TSBP1: variants seen among roughly 807,000 people sequenced by gnomAD.
TSBP1 encodes the protein testis expressed basic protein 1.
A neutral mutation model predicts 68.8 loss-of-function variants in TSBP1; 56 were observed. The observed-to-expected ratio is 0.81, with a 90% confidence interval of 0.66 to 1.02. TSBP1 has a LOEUF of 1.02. TSBP1 is among the 50% of genes least tolerant of loss of function. The pLI is 0.00. For missense variants in TSBP1, 502 were observed against 641.2 expected (o/e 0.78, Z 2.34); for synonymous variants, 171 against 208.7 (o/e 0.82, Z 1.56).
Position 32,308,389 on chromosome 6 carries a change from G to C in TSBP1, c.581-5760C>G, listed in dbSNP as rs1016729775. The stretch of plus-strand genomic sequence containing the variant: ...CGAGGCGGGCGGATCACGAGGTCAG[G>C]AGATCGAGACCATCCCGGCTAAAAC... On this transcript the variant is annotated intron_variant, in intron 19 of 22. Transcript: ENST00000612031. 3.2e-3 allele frequency among the ~76,000 whole-genome samples: 491 copies of C among 151,150 alleles called. 4 individuals are homozygous for C. The highest frequency in any genetic ancestry group is 0.011 in the African/African-American group (459 of 41,282).
At chr6:32,354,874 A>G (rs984337142) in intron 8 of TSBP1, among the ~76,000 whole-genome samples, 1 of 152,124 alleles carries the variant, frequency 6.6e-6, no homozygotes, top group Non-Finnish European at 1.5e-5. Context: ...CTATAAATAT[A>G]TGTAAATAGA....
At chr6:32,355,274 T>C in intron 7 of TSBP1, 130 bp from the exon 8 acceptor site, 1 of 866,928 alleles carries the variant, frequency 1.2e-6, no homozygotes. Flanking sequence ...TCATCACTGA[T>C]CTGGTGATGG....
At chr6:32,310,528 A>G (rs1411951389) in intron 19 of TSBP1, among the ~76,000 whole-genome samples, 1 of 151,314 alleles carries the variant, frequency 6.6e-6, no homozygotes. Flanking sequence ...TCCATGTACT[A>G]TTTTGAACTG....
chr6:32,322,511 A>C lies in TSBP1; in HGVS notation c.559+606T>G. 6 of 1,593,558 alleles carry C rather than the reference A, an allele frequency of 3.8e-6. No homozygotes were observed. The highest frequency in any genetic ancestry group is 1.3e-5 in the African/African-American group (1 of 74,616). On this transcript the variant is annotated intron_variant, in intron 18 of 22. Coordinates refer to ENST00000612031, the Ensembl canonical transcript of TSBP1. ...TTGCGGTTCTCTGTGAAATTACTGAAAAATAAGCAAACAGAAATCCATTTA... is the reference window on the plus strand; with the variant it reads ...TTGCGGTTCTCTGTGAAATTACTGACAAATAAGCAAACAGAAATCCATTTA...
intron 7 of TSBP1, among the ~76,000 whole-genome samples, 196 bp from the exon 8 acceptor site, chr6:32,355,340 G>A (rs1010855072): frequency 9.2e-5 from 14 of 152,078 alleles, no homozygotes; most frequent in African/African-American, 2.4e-5. Context: ...CTAAAAATGG[G>A]TTTAATTTTT....
chr6:32,342,045 G>T, intron 9 of TSBP1, among the ~76,000 whole-genome samples: 1 of 119,392 alleles, frequency 8.4e-6, no homozygotes, highest in Non-Finnish European at 1.8e-5. Context: ...TTTAGAAAAT[G>T]TGTTCTTTTT....
At chr6:32,310,096 T>G (rs1341066625) in intron 19 of TSBP1, among the ~76,000 whole-genome samples, 1 of 152,206 alleles carries the variant, frequency 6.6e-6, no homozygotes, top group African/African-American at 2.4e-5. Context: ...CTTGTTTGGA[T>G]TTCATTCTTG....
At chr6:32,297,976 A>C (rs1200131651) in intron 22 of TSBP1, among the ~76,000 whole-genome samples, 1 of 152,202 alleles carries the variant, frequency 6.6e-6, no homozygotes, top group African/African-American at 2.4e-5. Flanking sequence ...TCTTTTACAA[A>C]AAATTTTTTA....
intron 20 of TSBP1, 105 bp from the exon 24 acceptor site, chr6:32,300,805 T>A (rs1231512632): frequency 8.8e-6 from 8 of 909,638 alleles, no homozygotes; most frequent in Non-Finnish European, 1.3e-5. Flanking sequence ...ACAACTAAAT[T>A]TCATTTATTT....
At chr6:32,358,749 C>CT (rs1427429627) in intron 6 of TSBP1, among the ~76,000 whole-genome samples, 1 of 151,934 alleles carries the variant, frequency 6.6e-6, no homozygotes, top group Non-Finnish European at 1.5e-5. Flanking sequence ...CGAACTCATC[C>CT]TTTTTTATTG....
intron 14 of TSBP1, among the ~76,000 whole-genome samples, chr6:32,332,445 A>G (rs902104948): frequency 3.9e-5 from 6 of 152,322 alleles, no homozygotes; most frequent in Admixed American, 3.3e-4. Context: ...TTTCTGATCA[A>G]CTAATATGTT....
At chr6:32,296,886 C>T (rs1764777442) in intron 22 of TSBP1, among the ~76,000 whole-genome samples, 1 of 152,160 alleles carries the variant, frequency 6.6e-6, no homozygotes, top group Admixed American at 6.5e-5. Context: ...TTCCTAATTT[C>T]ACAGAATTAA....
At chr6:32,329,287 C>G (rs1385522001) in intron 16 of TSBP1, among the ~76,000 whole-genome samples, 1 of 152,260 alleles carries the variant, frequency 6.6e-6, no homozygotes, top group Non-Finnish European at 1.5e-5. Flanking sequence ...GATTCTCTGG[C>G]ACATGGTGGC....
intron 19 of TSBP1, among the ~76,000 whole-genome samples, chr6:32,311,807 C>T (rs1766432953): frequency 6.6e-6 from 1 of 152,152 alleles, no homozygotes; most frequent in African/African-American, 2.4e-5. Flanking sequence ...GGATGTGTGG[C>T]AACCCATCTC....
At chr6:32,371,363 G>T (rs192173890) in intron 1 of TSBP1, among the ~76,000 whole-genome samples, 7 of 152,116 alleles carry the variant, frequency 4.6e-5, no homozygotes, top group African/African-American at 1.7e-4. Context: ...CTGAGTTGAG[G>T]CAGATTATAT....
At chr6:32,328,034 G>C (rs1419265476) in intron 16 of TSBP1, among the ~76,000 whole-genome samples, 2 of 151,680 alleles carry the variant, frequency 1.3e-5, no homozygotes, top group Admixed American at 6.6e-5. Context: ...TCCATCTCCT[G>C]ACTTCGTGAT....
At chr6:32,307,682 A>T (rs1765899965) in intron 19 of TSBP1, among the ~76,000 whole-genome samples, 1 of 150,976 alleles carries the variant, frequency 6.6e-6, no homozygotes, top group Non-Finnish European at 1.5e-5. Flanking sequence ...TGTTTTATGT[A>T]TTTCAAAGGC....
At chr6:32,334,590 G>A (rs1769423858) in intron 14 of TSBP1, among the ~76,000 whole-genome samples, 1 of 152,108 alleles carries the variant, frequency 6.6e-6, no homozygotes, top group Non-Finnish European at 1.5e-5. Flanking sequence ...CCATTTGAAT[G>A]TTGTTTAGAT....
intron 6 of TSBP1, among the ~76,000 whole-genome samples, chr6:32,356,606 G>A (rs1772364694): frequency 6.6e-6 from 1 of 152,016 alleles, no homozygotes; most frequent in Non-Finnish European, 1.5e-5. Context: ...TGTAATCCCA[G>A]CTACTCAGGA....
Sources: allele counts gnomAD v4.1 joint callset (sites outside exome capture counted in the v4.1 genomes callset), GRCh38; gene constraint gnomAD v4.1.1; transcripts MANE v1.5; gene names NCBI Gene and HGNC (gene_info 2026-07-23, HGNC 2026-07-21).